Variants in GABRG1 observed in about 807,000 individuals in gnomAD.
GABRG1 encodes the protein gamma-aminobutyric acid receptor subunit gamma-1.
A neutral mutation model predicts 49.8 loss-of-function variants in GABRG1; 49 were observed. The observed-to-expected ratio is 0.98, with a 90% confidence interval of 0.78 to 1.25. GABRG1 has a LOEUF of 1.25. Ranked by LOEUF, GABRG1 falls within the 50% of genes most tolerant of loss-of-function variation. GABRG1 has a pLI of 0.00. For missense variants in GABRG1, 552 were observed against 552.3 expected (o/e 1.00, Z 0.01); for synonymous variants, 232 against 185.1 (o/e 1.25, Z -2.06).
intron 2 of GABRG1, among the ~76,000 whole-genome samples, chr4:46,093,359 A>T (rs765748263): frequency 2.0e-5 from 3 of 152,008 alleles, no homozygotes; most frequent in Non-Finnish European, 2.9e-5. Flanking sequence ...GGCACAGAAA[A>T]ACAAAAGTCA....
At chr4:46,115,305 A>G (rs761283754) in intron 1 of GABRG1, among the ~76,000 whole-genome samples, 7 of 150,700 alleles carry the variant, frequency 4.6e-5, no homozygotes, top group Non-Finnish European at 8.9e-5. Flanking sequence ...AATACAATAT[A>G]TGATAAAAGT....
intron 2 of GABRG1, among the ~76,000 whole-genome samples, chr4:46,095,437 A>G (rs974857483): frequency 6.6e-6 from 1 of 151,848 alleles, no homozygotes; most frequent in Non-Finnish European, 1.5e-5. Flanking sequence ...ATCAATGTCT[A>G]GAAAAACGGC....
rs374122496 is a variant in GABRG1 at position 46,073,817 on chromosome 4, T to C, written c.322-8233A>G. Among the ~76,000 whole-genome samples, 96 of 152,236 alleles carry C rather than the reference T, an allele frequency of 6.3e-4. 1 individual carries two copies. The South Asian group carries it at 0.019, about 30-fold the overall frequency. ...AATGAATGATACAATATAATTTTAATAACAAAATACTGTACTGAAAGTTCT... is the reference window on the plus strand; with the variant it reads ...AATGAATGATACAATATAATTTTAACAACAAAATACTGTACTGAAAGTTCT... On this transcript the variant is annotated intron_variant, in intron 3 of 8. Transcript: ENST00000295452.
intron 3 of GABRG1, among the ~76,000 whole-genome samples, chr4:46,069,931 A>C (rs1479681795): frequency 6.6e-6 from 1 of 152,066 alleles, no homozygotes; most frequent in Admixed American, 6.6e-5. Context: ...TGAAACCTGT[A>C]AGATTTGGAA....
intron 1 of GABRG1, among the ~76,000 whole-genome samples, chr4:46,118,132 G>GTGTATATATATATATATA (rs377481920): frequency 4.5e-5 from 5 of 109,984 alleles, no homozygotes; most frequent in African/African-American, 2.8e-4. Flanking sequence ...GTGTGTGTGT[G>GTGTATATATATATATATA]TATATATATA....
intron 1 of GABRG1, among the ~76,000 whole-genome samples, chr4:46,116,377 GTTAGAC>G (rs1720887164): frequency 6.6e-6 from 1 of 150,654 alleles, no homozygotes. Context: ...CAGAACATAA[GTTAGAC>G]TTAGAAAAAA....
chr4:46,044,437 C>A (rs1260430965), intron 8 of GABRG1, among the ~76,000 whole-genome samples: 2 of 151,786 alleles, frequency 1.3e-5, no homozygotes, highest in Non-Finnish European at 2.9e-5. Flanking sequence ...GCTGTGATTG[C>A]ACTACTGCAT....
At chr4:46,120,544 A>G (rs1721064080) in intron 1 of GABRG1, among the ~76,000 whole-genome samples, 2 of 151,696 alleles carry the variant, frequency 1.3e-5, no homozygotes, top group Admixed American at 1.3e-4. Context: ...AGTCTTTTGC[A>G]TATTTAACTA....
chr4:46,083,868 T>C, intron 3 of GABRG1, 118 bp downstream of exon 3: 1 of 685,108 alleles, frequency 1.5e-6, no homozygotes. Context: ...TAATTGTACA[T>C]GTTGATCTGA....
chr4:46,112,858 T>A (rs1720762421), intron 1 of GABRG1, among the ~76,000 whole-genome samples: 1 of 150,970 alleles, frequency 6.6e-6, no homozygotes, highest in African/African-American at 2.4e-5. Context: ...ATGGGATTAT[T>A]CCTACTTCAA....
rs763816996 is a variant in GABRG1 at position 46,036,127 on chromosome 4, G to C, written c.*4861C>G. The C allele has an allele frequency of 2.0e-5, 3 of 151,716 alleles. No homozygotes were observed. Among genetic ancestry groups the C allele is most frequent in the South Asian group, 2.1e-4 (1 of 4,804 alleles). 9.4% of individuals were successfully genotyped at this position (151,716 alleles called of 1,614,324 possible). ...GCCTTTACTATTCACACACTCAAAGGGTCCAGGTATGTTTCATTGTCCAAC... is the reference window on the plus strand; with the variant it reads ...GCCTTTACTATTCACACACTCAAAGCGTCCAGGTATGTTTCATTGTCCAAC... On this transcript the variant is annotated 3_prime_UTR_variant, in exon 9 of 9. Transcript: ENST00000295452.
chr4:46,075,940 T>G (rs1279770203), intron 3 of GABRG1, among the ~76,000 whole-genome samples: 1 of 151,660 alleles, frequency 6.6e-6, no homozygotes, highest in Admixed American at 6.6e-5. Context: ...TGAGAGACAA[T>G]GGAGATTCAG....
intron 1 of GABRG1, among the ~76,000 whole-genome samples, chr4:46,111,973 A>G (rs1720731684): frequency 6.6e-6 from 1 of 151,368 alleles, no homozygotes; most frequent in Non-Finnish European, 1.5e-5. Context: ...ATTGCAACAA[A>G]AACAAAAATG....
chr4:46,068,214 T>C (rs571460161), intron 3 of GABRG1, among the ~76,000 whole-genome samples: 2 of 152,274 alleles, frequency 1.3e-5, no homozygotes, highest in East Asian at 3.9e-4. Context: ...AGAATTATGT[T>C]GTACTGTTGC....
chr4:46,039,514 A>C lies in GABRG1; in HGVS notation c.*1474T>G, dbSNP rs1717673313. 6.6e-6 allele frequency: 1 copy of C among 151,754 alleles called. No homozygotes were observed. Among genetic ancestry groups the C allele is most frequent in the African/African-American group, 2.4e-5 (1 of 41,402 alleles). The allele number at this position is 151,754 out of a possible 1,614,324, so 9.4% of individuals were successfully genotyped here. On this transcript the variant is annotated 3_prime_UTR_variant, in exon 9 of 9. Transcript: ENST00000295452. ...GTGACAGGTTTCCTCTCAAACCTTAAGTAAGATAGGCTGTGATCATAAAAC... is the reference window on the plus strand; with the variant it reads ...GTGACAGGTTTCCTCTCAAACCTTACGTAAGATAGGCTGTGATCATAAAAC...
chr4:46,056,875 G>A (rs921234602), intron 7 of GABRG1, among the ~76,000 whole-genome samples: 3 of 152,018 alleles, frequency 2.0e-5, no homozygotes, highest in African/African-American at 7.2e-5. Flanking sequence ...CTTTATGATT[G>A]ATATGCTAAT....
Position 46,036,559 on chromosome 4 carries a change from C to T in GABRG1, c.*4429G>A, listed in dbSNP as rs1717534051. The T allele has an allele frequency of 6.6e-6, 1 of 151,930 alleles. No homozygotes were observed. The highest frequency in any genetic ancestry group is 2.4e-5 in the African/African-American group (1 of 41,414). 9.4% of individuals were successfully genotyped at this position (151,930 alleles called of 1,614,324 possible). ...TCTACATGCAAGCAAGTATCTACTACAGGATCCCTTCCACCCAACACACCA... is the reference window on the plus strand; with the variant it reads ...TCTACATGCAAGCAAGTATCTACTATAGGATCCCTTCCACCCAACACACCA... On this transcript the variant is annotated 3_prime_UTR_variant, in exon 9 of 9. Coordinates refer to ENST00000295452, the MANE Select transcript of GABRG1 (RefSeq NM_173536.4).
chr4:46,095,770 G>T (rs147638297), intron 2 of GABRG1, among the ~76,000 whole-genome samples: 80 of 151,914 alleles, frequency 5.3e-4, no homozygotes, highest in African/African-American at 1.9e-3. Flanking sequence ...ATAAAGAGAT[G>T]ACTAAAATAA....
chr4:46,047,414 A>G (rs1472996350), intron 8 of GABRG1, among the ~76,000 whole-genome samples: 1 of 152,060 alleles, frequency 6.6e-6, no homozygotes, highest in Non-Finnish European at 1.5e-5. Context: ...TCCTTGCCAA[A>G]CTTCCATCAG....
Sources: gnomAD v4.1 joint callset for allele counts (sites outside exome capture counted in the v4.1 genomes callset) on GRCh38, gnomAD v4.1.1 for gene constraint, MANE v1.5 for transcripts, NCBI Gene and HGNC (gene_info 2026-07-23, HGNC 2026-07-21) for gene names.